PLPPR1: variants seen among roughly 807,000 people sequenced by gnomAD.
The protein encoded by PLPPR1 is phospholipid phosphatase related 1, also known as phospholipid phosphatase-related protein type 1.
In PLPPR1, 10 loss-of-function variants were observed where a neutral mutation model predicts 33.1. That is an observed-to-expected ratio of 0.30 (90% confidence interval 0.19 to 0.51). The LOEUF (loss-of-function observed/expected upper bound fraction) is 0.51. PLPPR1 is among the 20% of genes least tolerant of loss of function. The probability of loss-of-function intolerance (pLI) is 0.97; values close to 1 mark genes in which losing one functional copy is unlikely to be tolerated. For missense variants in PLPPR1, 304 were observed against 408.1 expected, an observed-to-expected ratio of 0.74 and a Z score of 2.20; for synonymous variants, 151 against 151.0, an observed-to-expected ratio of 1.00 and a Z score of 0.00.
intron 2 of PLPPR1, among the ~76,000 whole-genome samples, chr9:101,205,303 C>A (rs940727355): frequency 1.3e-5 from 2 of 152,110 alleles, no homozygotes; most frequent in African/African-American, 4.8e-5. Flanking sequence ...TAAATAATTG[C>A]CCCACCTGAT....
intron 1 of PLPPR1, among the ~76,000 whole-genome samples, chr9:101,165,966 C>T (rs1825853064): frequency 6.6e-6 from 1 of 152,138 alleles, no homozygotes; most frequent in African/African-American, 2.4e-5. Flanking sequence ...GCCACTTTAC[C>T]ATATTCATTC....
intron 2 of PLPPR1, among the ~76,000 whole-genome samples, chr9:101,252,917 T>C (rs951572619): frequency 2.6e-5 from 4 of 152,124 alleles, no homozygotes; most frequent in African/African-American, 9.7e-5. Context: ...TTCATTCTAA[T>C]GTGGAGTCAT....
intron 1 of PLPPR1, among the ~76,000 whole-genome samples, chr9:101,172,880 A>G (rs1414929273): frequency 6.6e-6 from 1 of 152,030 alleles, no homozygotes; most frequent in African/African-American, 2.4e-5. Flanking sequence ...TCTTTCAAGG[A>G]TCATTGCACT....
chr9:101,160,132 G>A (rs1308406047), intron 1 of PLPPR1, among the ~76,000 whole-genome samples: 1 of 152,136 alleles, frequency 6.6e-6, no homozygotes, highest in Non-Finnish European at 1.5e-5. Context: ...CTCTAGAAAT[G>A]AGAAGAACAA....
At chr9:101,216,181 A>G (rs1441388721) in intron 2 of PLPPR1, among the ~76,000 whole-genome samples, 2 of 152,128 alleles carry the variant, frequency 1.3e-5, no homozygotes, top group Non-Finnish European at 2.9e-5. Context: ...TGTCCTTGCC[A>G]ACATTCATTT....
At chr9:101,038,797 C>T (rs180986090) in intron 1 of PLPPR1, among the ~76,000 whole-genome samples, 260 of 152,220 alleles carry the variant, frequency 1.7e-3, no homozygotes, top group Non-Finnish European at 2.9e-3. Flanking sequence ...AGATTGCGTG[C>T]CCATCCTCCC....
intron 3 of PLPPR1, among the ~76,000 whole-genome samples, chr9:101,276,242 CACA>C (rs1417677879): frequency 2.0e-5 from 3 of 151,646 alleles, no homozygotes; most frequent in African/African-American, 7.3e-5. Context: ...AAAAAAAATT[CACA>C]ACATTTTCTT....
At chr9:101,218,111 T>A (rs1348056183) in intron 2 of PLPPR1, among the ~76,000 whole-genome samples, 1 of 152,076 alleles carries the variant, frequency 6.6e-6, no homozygotes, top group Non-Finnish European at 1.5e-5. Context: ...ATAACACAAG[T>A]ATGCTCAATT....
intron 1 of PLPPR1, among the ~76,000 whole-genome samples, chr9:101,075,339 A>G (rs972845334): frequency 6.6e-6 from 1 of 152,224 alleles, no homozygotes; most frequent in Admixed American, 6.5e-5. Flanking sequence ...TTTATAAAAT[A>G]GCTTTATTGT....
chr9:101,200,352 A>G lies in PLPPR1; in HGVS notation c.63+14795A>G, dbSNP rs560271465. Among the ~76,000 whole-genome samples, 61 of 152,150 alleles carry G rather than the reference A, an allele frequency of 4.0e-4. 1 individual carries two copies. Among genetic ancestry groups the G allele is most frequent in the Admixed American group, 1.7e-3 (26 of 15,280 alleles). On this transcript the variant is annotated intron_variant, in intron 2 of 7. Transcript: ENST00000374874. The stretch of plus-strand genomic sequence containing the variant: ...TCCCATCCTATCCCATCCCTTTGGG[A>G]AGTGATCCCATCCAACATGTTTCCT...
At chr9:101,292,869 A>G (rs934594693) in intron 4 of PLPPR1, among the ~76,000 whole-genome samples, 1 of 151,492 alleles carries the variant, frequency 6.6e-6, no homozygotes, top group East Asian at 1.9e-4. Context: ...TGTAAAGACC[A>G]TCGAGGCTAG....
chr9:101,116,826 A>C (rs112418068), intron 1 of PLPPR1, among the ~76,000 whole-genome samples: 2,209 of 151,732 alleles, frequency 0.015, 35 homozygotes, highest in East Asian at 0.043. Context: ...AAAAAAAAGT[A>C]AAAAAAGAAA....
intron 1 of PLPPR1, among the ~76,000 whole-genome samples, chr9:101,056,047 G>A (rs1222845459): frequency 6.6e-6 from 1 of 152,236 alleles, no homozygotes; most frequent in Admixed American, 6.5e-5. Flanking sequence ...TTAAGTGCCA[G>A]TCTCTGCATA....
intron 1 of PLPPR1, among the ~76,000 whole-genome samples, chr9:101,102,325 G>A (rs1336768320): frequency 9.8e-6 from 1 of 102,156 alleles, no homozygotes; most frequent in Admixed American, 1.0e-4. Flanking sequence ...TCCCCAGAGT[G>A]TGATATTCCC....
At chr9:101,100,974 G>A (rs1173257691) in intron 1 of PLPPR1, among the ~76,000 whole-genome samples, 1 of 152,140 alleles carries the variant, frequency 6.6e-6, no homozygotes, top group African/African-American at 2.4e-5. Context: ...TTGAGCCAGT[G>A]TGCAGTATTG....
Position 101,214,779 on chromosome 9 carries a change from T to C in PLPPR1, c.63+29222T>C, listed in dbSNP as rs781057548. On this transcript the variant is annotated intron_variant, in intron 2 of 7. Transcript: ENST00000374874. ...GCATCATGCCTGTAATCCCAGCACT[T>C]GGGGAGGCCGAGGCAGGCAGATCAC... Among the ~76,000 whole-genome samples, 13 of 152,050 alleles carry C rather than the reference T, an allele frequency of 8.5e-5. 1 individual carries two copies. The highest frequency in any genetic ancestry group is 1.6e-4 in the Non-Finnish European group (11 of 67,996).
intron 1 of PLPPR1, 112 bp downstream of exon 1, chr9:101,029,214 G>C (rs1446093566): frequency 6.5e-6 from 1 of 153,608 alleles, no homozygotes; most frequent in Non-Finnish European, 1.4e-5. Context: ...CCCATGCCTT[G>C]CTTGTGGGTG....
At chr9:101,220,825 G>A (rs910393811) in intron 2 of PLPPR1, among the ~76,000 whole-genome samples, 2 of 152,184 alleles carry the variant, frequency 1.3e-5, no homozygotes, top group Non-Finnish European at 2.9e-5. Flanking sequence ...CATGTTGTTG[G>A]CTTTAGCCAA....
chr9:101,143,399 C>A (rs1165914342), intron 1 of PLPPR1, among the ~76,000 whole-genome samples: 2 of 152,104 alleles, frequency 1.3e-5, no homozygotes, highest in Non-Finnish European at 2.9e-5. Context: ...AACACTTCAT[C>A]TCTCAGAATG....
Sources: allele counts gnomAD v4.1 joint callset (sites outside exome capture counted in the v4.1 genomes callset), GRCh38; gene constraint gnomAD v4.1.1; transcripts MANE v1.5; gene names NCBI Gene and HGNC (gene_info 2026-07-23, HGNC 2026-07-21).